Variants in TOX observed in about 807,000 individuals in gnomAD.
TOX encodes the protein thymocyte selection-associated high mobility group box protein TOX.
In TOX, 11 loss-of-function variants were observed where a neutral mutation model predicts 53.7. That is an observed-to-expected ratio of 0.20 (90% confidence interval 0.13 to 0.34). The LOEUF is 0.34. Among genes scored for constraint, TOX ranks in the 10% least tolerant of loss-of-function variants. The probability of loss-of-function intolerance (pLI) is 1.00; values close to 1 mark genes in which losing one functional copy is unlikely to be tolerated. For missense variants in TOX, 570 were observed against 664.6 expected, an observed-to-expected ratio of 0.86 and a Z score of 1.56; for synonymous variants, 225 against 245.3, an observed-to-expected ratio of 0.92 and a Z score of 0.77.
chr8:58,903,828 C>A (rs1450680180), intron 3 of TOX, among the ~76,000 whole-genome samples: 2 of 152,078 alleles, frequency 1.3e-5, no homozygotes, highest in Non-Finnish European at 2.9e-5. Context: ...TAATGAATGG[C>A]CCAAAGTTAC....
At chr8:59,025,654 C>T (rs921711673) in intron 1 of TOX, among the ~76,000 whole-genome samples, 3 of 152,132 alleles carry the variant, frequency 2.0e-5, no homozygotes, top group Non-Finnish European at 4.4e-5. Flanking sequence ...TCCCCCTAGT[C>T]TCTCAATCGG....
chr8:58,807,878 G>A, intron 8 of TOX, 95 bp from the exon 9 acceptor site: 3 of 1,515,924 alleles, frequency 2.0e-6, no homozygotes, highest in Non-Finnish European at 2.7e-6. Context: ...ATTTGCTCCA[G>A]CTTGAGCTGT....
intron 7 of TOX, among the ~76,000 whole-genome samples, chr8:58,812,631 A>C (rs1335598334): frequency 6.6e-6 from 1 of 152,082 alleles, no homozygotes; most frequent in East Asian, 1.9e-4. Flanking sequence ...TCTGTCTTCC[A>C]GTTTTATTTT....
intron 1 of TOX, among the ~76,000 whole-genome samples, chr8:59,008,646 T>C (rs1017237573): frequency 6.6e-6 from 1 of 152,140 alleles, no homozygotes; most frequent in African/African-American, 2.4e-5. Context: ...TAATGACCAG[T>C]CATACGTCCT....
At chr8:59,101,655 CT>C (rs1024317597) in intron 1 of TOX, among the ~76,000 whole-genome samples, 2 of 152,054 alleles carry the variant, frequency 1.3e-5, no homozygotes, top group African/African-American at 4.8e-5. Flanking sequence ...TATGCCTAAA[CT>C]GAGTTTTTAG....
chr8:58,815,228 A>G (rs1810152945), intron 7 of TOX, 110 bp downstream of exon 7: 2 of 1,388,092 alleles, frequency 1.4e-6, no homozygotes, highest in South Asian at 1.7e-5. Context: ...AAATAGAAGG[A>G]TAGAAAACAC....
chr8:58,936,563 G>A (rs898739576), intron 3 of TOX, among the ~76,000 whole-genome samples: 7 of 152,278 alleles, frequency 4.6e-5, no homozygotes, highest in South Asian at 2.1e-4. Flanking sequence ...CATTCTAGTC[G>A]TGTGGGAGCT....
intron 1 of TOX, among the ~76,000 whole-genome samples, chr8:58,998,635 A>G (rs540644334): frequency 3.4e-5 from 3 of 88,540 alleles, no homozygotes; most frequent in South Asian, 3.8e-4. Context: ...TATATTTTAT[A>G]TATATAATAA....
chr8:58,842,335 C>A (rs1021427163), intron 4 of TOX, among the ~76,000 whole-genome samples: 7 of 152,104 alleles, frequency 4.6e-5, no homozygotes, highest in African/African-American at 1.4e-4. Flanking sequence ...AAAAAGACAA[C>A]TTTTTCTCTC....
In TOX at chr8:59,117,572, G is replaced by A. The variant is rs1316436584; in HGVS notation, c.102+1314C>T. On this transcript the variant is annotated intron_variant, in intron 1 of 8. Transcript: ENST00000361421. This position sits in a 1 kb window ranked among gnomAD's most constrained non-coding sequence, Gnocchi z 4.6. ...CTGCCTGTGTGTCAACACTGTCCAAGACTCGGAGCTGCGACTCGGTCGCGT... is the reference window on the plus strand; with the variant it reads ...CTGCCTGTGTGTCAACACTGTCCAAAACTCGGAGCTGCGACTCGGTCGCGT... Among the ~76,000 whole-genome samples the A allele has an allele frequency of 6.6e-6, 1 of 152,244 alleles. No homozygotes were observed. The highest frequency in any genetic ancestry group is 2.4e-5 in the African/African-American group (1 of 41,466).
chr8:58,817,909 G>A lies in TOX; in HGVS notation c.1006-2185C>T, dbSNP rs182678564. Among the ~76,000 whole-genome samples, 348 of 151,950 alleles carry A rather than the reference G, an allele frequency of 2.3e-3. 2 individuals are homozygous for A. Among genetic ancestry groups the A allele is most frequent in the Admixed American group, 3.9e-3 (60 of 15,252 alleles). On this transcript the variant is annotated intron_variant, in intron 6 of 8. Transcript: ENST00000361421. ...TATATAACATATTACTAGATAATGA[G>A]GTAAGTTTTGGCTAAAGAAATAAAA...
At chr8:59,112,937 C>T (rs1274534268) in intron 1 of TOX, among the ~76,000 whole-genome samples, 1 of 152,196 alleles carries the variant, frequency 6.6e-6, no homozygotes, top group Non-Finnish European at 1.5e-5. Context: ...ATGATAATTA[C>T]ATTTTTATTG....
chr8:58,999,858 G>A (rs1346448552), intron 1 of TOX, among the ~76,000 whole-genome samples: 2 of 152,128 alleles, frequency 1.3e-5, no homozygotes, highest in Non-Finnish European at 2.9e-5. Flanking sequence ...GATAGCTAAG[G>A]TATTTTGTAT....
intron 1 of TOX, among the ~76,000 whole-genome samples, chr8:58,975,927 C>A (rs1813089982): frequency 6.6e-6 from 1 of 152,106 alleles, no homozygotes; most frequent in Admixed American, 6.6e-5. Flanking sequence ...CAAAAATTAG[C>A]CAGGCGTGAT....
chr8:59,052,982 G>T (rs74658002), intron 1 of TOX, among the ~76,000 whole-genome samples: 3,549 of 152,120 alleles, frequency 0.023, 123 homozygotes, highest in East Asian at 0.11. Context: ...GTTCTAAATG[G>T]TTCAAGACTT....
At chr8:58,954,582 G>A (rs1242255695) in intron 2 of TOX, among the ~76,000 whole-genome samples, 2 of 152,272 alleles carry the variant, frequency 1.3e-5, no homozygotes. Flanking sequence ...CCATGATAAA[G>A]CAGCCTTGTA....
intron 6 of TOX, among the ~76,000 whole-genome samples, chr8:58,818,829 G>A (rs1015234691): frequency 6.6e-6 from 1 of 152,168 alleles, no homozygotes; most frequent in South Asian, 2.1e-4. Flanking sequence ...TTTCCGCTCT[G>A]TCCTTTGGTT....
chr8:58,814,351 C>T (rs751149531), intron 7 of TOX: 1 of 151,836 alleles, frequency 6.6e-6, no homozygotes, highest in Non-Finnish European at 1.5e-5. Context: ...TAAGTGATAC[C>T]TGCATTTAAT....
At chr8:59,017,173 G>A (rs991822465) in intron 1 of TOX, among the ~76,000 whole-genome samples, 2 of 152,198 alleles carry the variant, frequency 1.3e-5, no homozygotes, top group African/African-American at 2.4e-5. Flanking sequence ...CTAACATTCC[G>A]CAAGTAGACC....
Sources: allele counts gnomAD v4.1 joint callset (sites outside exome capture counted in the v4.1 genomes callset), GRCh38; gene constraint gnomAD v4.1.1; non-coding constraint Gnocchi (gnomAD v3.1); transcripts MANE v1.5; gene names NCBI Gene and HGNC (gene_info 2026-07-23, HGNC 2026-07-21).